TMEM169: variants seen among roughly 807,000 people sequenced by gnomAD.
TMEM169 encodes the protein transmembrane protein 169.
Under a neutral mutation model 27.3 loss-of-function variants are expected in TMEM169, and 18 were observed. The ratio of observed to expected loss-of-function variants is 0.66; its 90% CI spans 0.46 to 0.98. The LOEUF (loss-of-function observed/expected upper bound fraction) is 0.98, where lower values mean the gene tolerates loss of function less well. Ranked by LOEUF, TMEM169 falls within the 50% of genes least tolerant of loss-of-function variation. TMEM169 has a pLI of 0.00. For missense variants in TMEM169, 320 were observed against 368.6 expected (o/e 0.87, Z 1.08); for synonymous variants, 136 against 142.1 (o/e 0.96, Z 0.30).
chr2:216,098,594 T>C (rs1574438450), intron 2 of TMEM169, among the ~76,000 whole-genome samples: 1 of 152,106 alleles, frequency 6.6e-6, no homozygotes, highest in African/African-American at 2.4e-5. Context: ...TATCTCTCAG[T>C]TGTGGGGCAA....
rs946992552 is a variant in TMEM169, at chr2:216,100,378, GC to G, written c.731del (p.Ala244ValfsTer49). On this transcript the variant is annotated frameshift_variant, in exon 3 of 3. Transcript: ENST00000437356. LOFTEE classifies it high-confidence loss of function. ...LSWSWEAWWQ[A>X]ARDMEKGFCG... ...GTGGTCCTGGGAAGCATGGTGGCAA[GC>G]TGCCCGGGACATGGAGAAAGGCTTC... 1.9e-6 allele frequency: 3 copies of G among 1,613,926 alleles called. No individual in the cohort carries two copies. In the African/African-American group the frequency reaches 4.0e-5, roughly 22 times the overall value.
chr2:216,087,439 A>G (rs1374707347), intron 1 of TMEM169, among the ~76,000 whole-genome samples: 1 of 152,224 alleles, frequency 6.6e-6, no homozygotes, highest in Non-Finnish European at 1.5e-5. Flanking sequence ...TGAACAAATT[A>G]ACAAAAAGAT....
Position 216,099,856 on chromosome 2 carries a change from T to G in TMEM169, c.272-64T>G. 6.4e-7 allele frequency: 1 copy of G among 1,554,574 alleles called. No individual in the cohort carries two copies. The highest frequency in any genetic ancestry group is 8.7e-7 in the Non-Finnish European group (1 of 1,154,280). ...TGTCCTCATGCCCAGCCTGGGAGGGTGCAACATGGAGATGCAATGCCCACT... is the reference window on the plus strand; with the variant it reads ...TGTCCTCATGCCCAGCCTGGGAGGGGGCAACATGGAGATGCAATGCCCACT... On this transcript the variant is annotated intron_variant, in intron 2 of 2. Transcript: ENST00000437356. This position sits in a 1 kb window ranked among gnomAD's most constrained non-coding sequence, Gnocchi z 5.0.
chr2:216,100,199 C>G lies in TMEM169; in HGVS notation c.551C>G (p.Thr184Ser), dbSNP rs767251631. 3.7e-6 allele frequency: 6 copies of G among 1,613,894 alleles called. No homozygotes were observed. Among genetic ancestry groups the G allele is most frequent in the Non-Finnish European group, 4.2e-6 (5 of 1,180,014 alleles). ...TTTGTTGTCTCTTTCTACTACGGCA[C>G]TATCACCTGGTACAACATCTTCCTC... ...LSFVVSFYYG[T>S]ITWYNIFLVY... Residue 184 changes from threonine to serine, a missense_variant, in exon 3 of 3, where the codon ACT becomes AGT. By Grantham distance (58) the Thr-to-Ser change is moderately conservative (BLOSUM62 1). Transcript: ENST00000437356.
chr2:216,100,261 T>G lies in TMEM169; in HGVS notation c.613T>G (p.Ser205Ala). ...GGAAAGGACCTTCTGGCACAAGATC[T>G]CGTATTGCCCTTGCCTCGTTCTCTT... ...NEERTFWHKI[S>A]YCPCLVLFYP... The change falls in exon 3 of 3, where the codon TCG becomes GCG. Residue 205 changes from serine (S) to alanine (A), a missense_variant. Physicochemically the swap from Ser to Ala is moderately conservative, Grantham distance 99. Coordinates refer to ENST00000437356, the MANE Select transcript of TMEM169 (RefSeq NM_001142311.2). 6.2e-7 allele frequency: 1 copy of G among 1,613,784 alleles called. No individual in the cohort carries two copies. The highest frequency in any genetic ancestry group is 8.5e-7 in the Non-Finnish European group (1 of 1,179,964).
intron 1 of TMEM169, among the ~76,000 whole-genome samples, chr2:216,092,600 C>T (rs980724962): frequency 1.3e-5 from 2 of 152,198 alleles, no homozygotes; most frequent in Admixed American, 1.3e-4. Flanking sequence ...TGCCTTCTCA[C>T]GTGTACTCTT....
chr2:216,089,847 G>A (rs945006246), intron 1 of TMEM169, among the ~76,000 whole-genome samples: 18 of 152,160 alleles, frequency 1.2e-4, no homozygotes, highest in African/African-American at 2.7e-4. Context: ...TATATTTAAC[G>A]CATTGAACCT....
chr2:216,083,192 A>T (rs1216916414), intron 1 of TMEM169, among the ~76,000 whole-genome samples: 2 of 152,228 alleles, frequency 1.3e-5, no homozygotes, highest in African/African-American at 4.8e-5. Flanking sequence ...TAGATAGTTT[A>T]TCCAGGAATC....
Position 216,100,498 on chromosome 2 carries a change from TCCAACAAGGACC to T in TMEM169, c.854_865del (p.Asn285_Pro288del), listed in dbSNP as rs1373579389. On this transcript the variant is annotated inframe_deletion, in exon 3 of 3. Transcript: ENST00000437356. ...ATCCGACAATATCTCAAGCACTCTC[TCCAACAAGGACC>T]CCATCCAAGAAGTAGAAACCTCCAC... 6.2e-7 allele frequency: 1 copy of T among 1,613,940 alleles called. No homozygotes were observed. The highest frequency in any genetic ancestry group is 1.7e-5 in the Admixed American group (1 of 59,984).
chr2:216,091,556 CAAAAAAAAAAAAA>C (rs35975278), intron 1 of TMEM169, among the ~76,000 whole-genome samples: 2 of 80,346 alleles, frequency 2.5e-5, no homozygotes. Context: ...GACTCCATCT[CAAAAAAAAAAAAA>C]AAAAAAAAAA....
At position 216,099,126 on chromosome 2, in the gene TMEM169, G is replaced by GT. The variant is rs1419576474; in HGVS notation, c.272-793dup. On this transcript the variant is annotated intron_variant, in intron 2 of 2. Coordinates refer to ENST00000437356, the MANE Select transcript of TMEM169 (RefSeq NM_001142311.2). The surrounding 1 kb of genome is among the most constrained non-coding windows in gnomAD (Gnocchi z 5.0). The stretch of plus-strand genomic sequence containing the variant: ...TTGCATGTATGTGTGATATGTATGG[G>GT]TATGTGGTGTGTATATGGTATGTGT... Among the ~76,000 whole-genome samples the GT allele has an allele frequency of 1.3e-5, 2 of 151,524 alleles. No individual in the cohort carries two copies. The highest frequency in any genetic ancestry group is 4.8e-5 in the African/African-American group (2 of 41,270).
chr2:216,093,842 T>C (rs1696197142), intron 1 of TMEM169, among the ~76,000 whole-genome samples: 1 of 152,216 alleles, frequency 6.6e-6, no homozygotes, highest in Non-Finnish European at 1.5e-5. Flanking sequence ...AGATATGCTA[T>C]ACAGTACTTC....
At chr2:216,089,301 A>T (rs1696075525) in intron 1 of TMEM169, among the ~76,000 whole-genome samples, 2 of 152,170 alleles carry the variant, frequency 1.3e-5, no homozygotes, top group Non-Finnish European at 1.5e-5. Flanking sequence ...GACTTTCAAG[A>T]CTGTTTCTCA....
In TMEM169 at chr2:216,088,687, G is replaced by A. The variant is rs375673654; in HGVS notation, c.-127+6708G>A. ...CCCATCTCTAAAAATAAATGAATAC[G>A]TAAATATTTTTTGAATGTGTAATTC... On this transcript the variant is annotated intron_variant, in intron 1 of 2. Transcript: ENST00000437356. 5.3e-5 allele frequency among the ~76,000 whole-genome samples: 8 copies of A among 152,120 alleles called. No individual in the cohort carries two copies. The East Asian group carries it at 9.6e-4, about 18-fold the overall frequency.
intron 1 of TMEM169, among the ~76,000 whole-genome samples, chr2:216,087,543 T>G (rs1696033853): frequency 6.6e-6 from 1 of 152,190 alleles, no homozygotes. Flanking sequence ...TCAAAGAACA[T>G]TCTAGAAGTT....
chr2:216,094,596 C>T (rs1021352895), intron 1 of TMEM169, among the ~76,000 whole-genome samples: 3 of 152,134 alleles, frequency 2.0e-5, no homozygotes, highest in African/African-American at 7.2e-5. Context: ...TCCTGCCAAA[C>T]AAAACAAACC....
chr2:216,100,501 A>C lies in TMEM169; in HGVS notation c.853A>C (p.Asn285His), dbSNP rs778702868. 1.2e-6 allele frequency: 2 copies of C among 1,614,026 alleles called. No homozygotes were observed. Among genetic ancestry groups the C allele is most frequent in the African/African-American group, 2.7e-5 (2 of 74,904 alleles). The stretch of plus-strand genomic sequence containing the variant: ...CGACAATATCTCAAGCACTCTCTCC[A>C]ACAAGGACCCCATCCAAGAAGTAGA... ...ESDNISSTLSNKDPIQEVETS... is the reference protein window; with the variant it reads ...ESDNISSTLSHKDPIQEVETS... Residue 285 changes from asparagine (N) to histidine (H), a missense_variant, in exon 3 of 3, where the codon AAC (asparagine) becomes CAC (histidine). By Grantham distance (68) the Asn-to-His change is moderately conservative. Transcript: ENST00000437356.
At chr2:216,088,388 C>T (rs1469150211) in intron 1 of TMEM169, among the ~76,000 whole-genome samples, 2 of 152,164 alleles carry the variant, frequency 1.3e-5, no homozygotes, top group Admixed American at 6.5e-5. Flanking sequence ...GGCGTGAACC[C>T]GGGAGGCGGA....
At chr2:216,087,729 G>C (rs1306112143) in intron 1 of TMEM169, among the ~76,000 whole-genome samples, 1 of 152,210 alleles carries the variant, frequency 6.6e-6, no homozygotes, top group Non-Finnish European at 1.5e-5. Context: ...CTGGTTTGCT[G>C]TGAATATTGA....
Sources: allele counts gnomAD v4.1 joint callset (sites outside exome capture counted in the v4.1 genomes callset), GRCh38; gene constraint gnomAD v4.1.1; non-coding constraint Gnocchi (gnomAD v3.1); transcripts MANE v1.5; gene names NCBI Gene and HGNC (gene_info 2026-07-23, HGNC 2026-07-21).